The following CDH18 variants were observed in gnomAD, a reference collection of about 807,000 sequenced individuals.
CDH18 encodes cadherin-18.
In CDH18, 31 loss-of-function variants were observed where a neutral mutation model predicts 67.9. The ratio of observed to expected loss-of-function variants is 0.46; its 90% CI spans 0.34 to 0.62. The LOEUF (loss-of-function observed/expected upper bound fraction) is 0.62, where lower values mean the gene tolerates loss of function less well. Ranked by LOEUF, CDH18 falls within the 20% of genes least tolerant of loss-of-function variation. The pLI, the probability that CDH18 is intolerant of heterozygous loss-of-function variation, is 0.01. For synonymous variants in CDH18, 362 were observed against 347.2 expected (o/e 1.04, Z -0.48); for missense variants, 890 against 975.5 (o/e 0.91, Z 1.17).
rs775835944 is a variant in CDH18, at chr5:20,095,589, G to GAAGA, written c.-517-103579_-517-103576dup. 6.8e-4 allele frequency among the ~76,000 whole-genome samples: 96 copies of GAAGA among 141,856 alleles called. 1 individual carries two copies. The South Asian group carries it at 0.016, about 24-fold the overall frequency. 93.1% of individuals were successfully genotyped at this position (141,856 alleles called of 152,430 possible). ...GAAAGAAAGGAAGAAAGGAAGAAAGGAAGAAAGAAGAAAGAAAGAAAAGAA... is the reference window on the plus strand; with the variant it reads ...GAAAGAAAGGAAGAAAGGAAGAAAGGAAGAAAGAAAGAAGAAAGAAAGAAAAGAA... On this transcript the variant is annotated intron_variant, in intron 2 of 14. Transcript: ENST00000507958.
chr5:20,258,693 G>A (rs1252482761), intron 1 of CDH18, among the ~76,000 whole-genome samples: 2 of 151,958 alleles, frequency 1.3e-5, no homozygotes, highest in East Asian at 3.9e-4. Context: ...TTACAACATG[G>A]ATGGTTTTGA....
intron 2 of CDH18, among the ~76,000 whole-genome samples, chr5:20,098,937 T>C (rs1719674017): frequency 6.6e-6 from 1 of 152,140 alleles, no homozygotes; most frequent in South Asian, 2.1e-4. Context: ...TCCATCAACA[T>C]ATTCAGTCTC....
intron 3 of CDH18, among the ~76,000 whole-genome samples, chr5:19,775,742 T>G (rs1486741111): frequency 6.6e-6 from 1 of 152,104 alleles, no homozygotes; most frequent in African/African-American, 2.4e-5. Context: ...CTGAGGCAGA[T>G]GTACATCAGC....
At chr5:20,003,883 C>G (rs764159910) in intron 2 of CDH18, among the ~76,000 whole-genome samples, 55 of 152,048 alleles carry the variant, frequency 3.6e-4, no homozygotes, top group Non-Finnish European at 4.4e-4. Context: ...GTCGACAGAG[C>G]GAGACTCCGT....
chr5:19,702,650 C>T (rs1167693089), intron 5 of CDH18, among the ~76,000 whole-genome samples: 3 of 151,972 alleles, frequency 2.0e-5, no homozygotes, highest in Non-Finnish European at 4.4e-5. Context: ...CACCTGTAAT[C>T]CCAGGCACTC....
intron 1 of CDH18, among the ~76,000 whole-genome samples, chr5:20,511,176 A>C (rs1386040981): frequency 6.6e-6 from 1 of 152,288 alleles, no homozygotes; most frequent in South Asian, 2.1e-4. Flanking sequence ...AAAATACCAT[A>C]AAGTTAGGAG....
At chr5:20,305,181 T>C (rs952349194) in intron 1 of CDH18, 3 of 1,421,344 alleles carry the variant, frequency 2.1e-6, no homozygotes, top group Non-Finnish European at 3.0e-6. Flanking sequence ...TTATGTTGTT[T>C]CCATTCGACA....
chr5:20,345,864 C>T (rs528745544), intron 1 of CDH18, among the ~76,000 whole-genome samples: 78 of 152,166 alleles, frequency 5.1e-4, no homozygotes, highest in African/African-American at 1.6e-3. Flanking sequence ...TCCTCCACTG[C>T]GGACGGGGGC....
intron 2 of CDH18, among the ~76,000 whole-genome samples, chr5:20,164,700 A>G (rs902448228): frequency 3.9e-5 from 6 of 152,332 alleles, no homozygotes; most frequent in Non-Finnish European, 8.8e-5. Flanking sequence ...TCATTCTCAA[A>G]GTTTTTAGAG....
At chr5:19,882,722 A>T (rs886825893) in intron 2 of CDH18, among the ~76,000 whole-genome samples, 6 of 152,228 alleles carry the variant, frequency 3.9e-5, no homozygotes, top group African/African-American at 1.2e-4. Context: ...GTCTCAGAAA[A>T]TTTTTCATTA....
chr5:19,497,584 A>G (rs932804910), intron 11 of CDH18, among the ~76,000 whole-genome samples: 2 of 152,242 alleles, frequency 1.3e-5, no homozygotes, highest in Non-Finnish European at 2.9e-5. Context: ...GGGAATGGGA[A>G]AGATCCGACA....
chr5:20,363,331 G>A (rs116301420), intron 1 of CDH18, among the ~76,000 whole-genome samples: 2,082 of 151,730 alleles, frequency 0.014, 53 homozygotes, highest in African/African-American at 0.047. Context: ...CTAAAAATAC[G>A]AAAGTAAGCC....
intron 2 of CDH18, among the ~76,000 whole-genome samples, chr5:20,202,226 A>T (rs144926564): frequency 0.023 from 3,568 of 152,276 alleles, 144 homozygotes; most frequent in African/African-American, 0.08. Flanking sequence ...AAATACAGGG[A>T]CACCTGTAAA....
At chr5:19,991,345 T>A (rs2150385325), upstream of CDH18, among the ~76,000 whole-genome samples, 1 of 152,294 alleles carries the variant, frequency 6.6e-6, no homozygotes, top group African/African-American at 2.4e-5. Context: ...GGCATAAAAA[T>A]TATTATATAT....
chr5:20,198,689 T>C (rs995813070), intron 2 of CDH18, among the ~76,000 whole-genome samples: 1 of 152,028 alleles, frequency 6.6e-6, no homozygotes, highest in Non-Finnish European at 1.5e-5. Context: ...GGGAAAAATG[T>C]CTCCAGGGCA....
At chr5:19,502,259 T>C (rs1743372686) in intron 11 of CDH18, among the ~76,000 whole-genome samples, 1 of 152,140 alleles carries the variant, frequency 6.6e-6, no homozygotes, top group Admixed American at 6.6e-5. Flanking sequence ...CAGATAAACA[T>C]AATCAAATAT....
At chr5:20,136,782 T>TG (rs1749763896) in intron 2 of CDH18, among the ~76,000 whole-genome samples, 1 of 152,204 alleles carries the variant, frequency 6.6e-6, no homozygotes, top group Non-Finnish European at 1.5e-5. Flanking sequence ...AAGGCAGGCC[T>TG]GGTGGTGACA....
At chr5:20,405,416 C>A (rs539816177) in intron 1 of CDH18, among the ~76,000 whole-genome samples, 49 of 152,264 alleles carry the variant, frequency 3.2e-4, no homozygotes, top group African/African-American at 1.0e-3. Flanking sequence ...CCCTTCCTTA[C>A]ACCTTATACA....
At chr5:19,709,709 GAAAAGAAAAGAAA>G (rs1461598873) in intron 5 of CDH18, among the ~76,000 whole-genome samples, 3 of 150,552 alleles carry the variant, frequency 2.0e-5, no homozygotes, top group Non-Finnish European at 4.4e-5. Flanking sequence ...AAAAAGAAAA[GAAAAGAAAAGAAA>G]AAAAGAAAAG....
Sources: gnomAD v4.1 joint callset for allele counts (sites outside exome capture counted in the v4.1 genomes callset) on GRCh38, gnomAD v4.1.1 for gene constraint, MANE v1.5 for transcripts, NCBI Gene and HGNC (gene_info 2026-07-23, HGNC 2026-07-21) for gene names.